BRI3: variants seen among roughly 807,000 people sequenced by gnomAD.
BRI3 encodes the protein brain protein I3, also known as membrane protein BRI3.
In BRI3, 6 loss-of-function variants were observed where a neutral mutation model predicts 12.8. The ratio of observed to expected loss-of-function variants is 0.47; its 90% CI spans 0.26 to 0.93. BRI3 has a LOEUF of 0.93. Among genes scored for constraint, BRI3 ranks in the 40% least tolerant of loss-of-function variants. The pLI is 0.15. For missense variants in BRI3, 134 were observed against 171.1 expected, an observed-to-expected ratio of 0.78 and a Z score of 1.21; for synonymous variants, 91 against 76.1, an observed-to-expected ratio of 1.20 and a Z score of -1.02.
At chr7:98,322,698 CG>C in the BRI3 span, among the ~76,000 whole-genome samples, 1 of 152,118 alleles carries the variant, frequency 6.6e-6, no homozygotes, top group Non-Finnish European at 1.5e-5. Context: ...CGTGGGCTTT[CG>C]AGGAGGTCCT....
chr7:98,314,275 G>A (rs1316382385), downstream of BRI3, among the ~76,000 whole-genome samples: 1 of 152,094 alleles, frequency 6.6e-6, no homozygotes, highest in African/African-American at 2.4e-5. Context: ...GAGCCACCAT[G>A]CGCAGTCCTG....
At chr7:98,298,354 T>C (rs1323751348) in intron 1 of BRI3, among the ~76,000 whole-genome samples, 1 of 152,234 alleles carries the variant, frequency 6.6e-6, no homozygotes, top group African/African-American at 2.4e-5. Context: ...GGCTCACGCC[T>C]GTAATCCCAG....
intron 1 of BRI3, among the ~76,000 whole-genome samples, chr7:98,300,263 CCCCTGCT>C (rs1429816865): frequency 4.4e-4 from 3 of 6,778 alleles, no homozygotes; most frequent in East Asian, 5.9e-3. Context: ...ACAGCCATTC[CCCCTGCT>C]CCCTGCTCCC....
chr7:98,303,694 G>A (rs1299273044), upstream of BRI3, among the ~76,000 whole-genome samples: 2 of 152,162 alleles, frequency 1.3e-5, no homozygotes, highest in Non-Finnish European at 2.9e-5. Flanking sequence ...GGCCCCCAGA[G>A]GCACGTTAGG....
At chr7:98,304,200 G>C, upstream of BRI3, 1 of 1,588,890 alleles carries the variant, frequency 6.3e-7, no homozygotes, top group Non-Finnish European at 8.6e-7. Context: ...ACTCACAGGA[G>C]CCGCGGTCTC....
chr7:98,305,070 T>TTA (rs1800600050), upstream of BRI3, among the ~76,000 whole-genome samples: 3 of 146,748 alleles, frequency 2.0e-5, no homozygotes, highest in Admixed American at 6.8e-5. Context: ...TTTTTTTTTT[T>TTA]AGTAGAGACG....
intron 2 of BRI3, among the ~76,000 whole-genome samples, chr7:98,283,792 G>T (rs1799615222): frequency 6.6e-6 from 1 of 152,206 alleles, no homozygotes; most frequent in African/African-American, 2.4e-5. Context: ...GGACGTGGGG[G>T]TGTCTGGTGA....
chr7:98,293,439 C>T (rs769200120), downstream of BRI3: 39 of 1,317,942 alleles, frequency 3.0e-5, no homozygotes, highest in South Asian at 1.1e-4. Flanking sequence ...GCTTCCCGAC[C>T]GTCAGCACGT....
downstream of BRI3, among the ~76,000 whole-genome samples, chr7:98,313,958 G>A (rs956324335): frequency 1.3e-5 from 2 of 150,026 alleles, no homozygotes; most frequent in Non-Finnish European, 1.5e-5. Flanking sequence ...TCTTATTTAG[G>A]GAGCTGAATA....
In BRI3 at chr7:98,291,096, C is replaced by T. The variant is rs1799929967; in HGVS notation, c.246-15C>T. 1 of 1,612,368 alleles carries T rather than the reference C, an allele frequency of 6.2e-7. No individual in the cohort carries two copies. The highest frequency in any genetic ancestry group is 8.5e-7 in the Non-Finnish European group (1 of 1,179,724). ...GTCCTTACGGTGCCACCCTCTCTGC[C>T]CGTCTCTGCTGCAGGGTTGGGGTGC... is the stretch of plus-strand genomic sequence containing the variant. On this transcript the variant is annotated splice_polypyrimidine_tract_variant and intron_variant, in intron 2 of 2. Coordinates refer to ENST00000297290, the MANE Select transcript of BRI3 (RefSeq NM_015379.5).
chr7:98,293,476 G>A (rs751464896), downstream of BRI3: 15 of 1,568,362 alleles, frequency 9.6e-6, no homozygotes, highest in Admixed American at 8.4e-5. Context: ...CCATCATTCC[G>A]CAAGGGAGAA....
exon 2 of BRI3, chr7:98,308,282 C>A (rs1184300944): frequency 6.4e-6 from 3 of 468,094 alleles, no homozygotes; most frequent in South Asian, 4.6e-5. Flanking sequence ...CAGGCTAGGG[C>A]CACAGTTCAA....
intron 2 of BRI3, among the ~76,000 whole-genome samples, chr7:98,290,195 T>TTTTTG (rs1799865477): frequency 7.0e-6 from 1 of 143,882 alleles, no homozygotes; most frequent in African/African-American, 2.6e-5. Context: ...TTTTTTTTTT[T>TTTTTG]TTTTTTTTTT....
At chr7:98,310,656 C>A, downstream of BRI3, 4 of 1,290,686 alleles carry the variant, frequency 3.1e-6, no homozygotes, top group South Asian at 1.7e-5. Flanking sequence ...CACAGATTCC[C>A]AAGGCTGTTT....
the BRI3 span, chr7:98,317,217 A>G: frequency 3.1e-6 from 5 of 1,614,082 alleles, no homozygotes; most frequent in Admixed American, 3.3e-5. Context: ...TGAAAAGCTC[A>G]CCTCAATTTC....
chr7:98,283,912 G>T (rs548113348), intron 2 of BRI3, among the ~76,000 whole-genome samples: 1 of 152,226 alleles, frequency 6.6e-6, no homozygotes, highest in African/African-American at 2.4e-5. Flanking sequence ...GGGGGGCGCC[G>T]AGGTGGTGGC....
chr7:98,294,171 T>TA, downstream of BRI3: 1 of 1,556,470 alleles, frequency 6.4e-7, no homozygotes, highest in Non-Finnish European at 8.9e-7. Flanking sequence ...AAAATTATTT[T>TA]AGGTAGAGAT....
downstream of BRI3, among the ~76,000 whole-genome samples, chr7:98,294,947 G>A (rs1454236407): frequency 6.6e-6 from 1 of 152,250 alleles, no homozygotes; most frequent in Non-Finnish European, 1.5e-5. Context: ...AAGCCTGGAG[G>A]GTTTAACACT....
chr7:98,295,147 G>A (rs1196205876), downstream of BRI3, among the ~76,000 whole-genome samples: 2 of 152,230 alleles, frequency 1.3e-5, no homozygotes, highest in African/African-American at 2.4e-5. Flanking sequence ...TCTCATGCCC[G>A]ATGCCAGCGC....
Sources: allele counts gnomAD v4.1 joint callset (sites outside exome capture counted in the v4.1 genomes callset), GRCh38; gene constraint gnomAD v4.1.1; transcripts MANE v1.5; gene names NCBI Gene and HGNC (gene_info 2026-07-23, HGNC 2026-07-21).